Variants in DRC11 observed in about 807,000 individuals in gnomAD.
DRC11 encodes IQ and AAA domain-containing protein 1.
At chr2:236,476,724 T>C in the DRC11 span, among the ~76,000 whole-genome samples, 4 of 149,296 alleles carry the variant, frequency 2.7e-5, no homozygotes, top group African/African-American at 7.5e-5. This position sits in a 1 kb window ranked among gnomAD's most constrained non-coding sequence, Gnocchi z 4.7. Flanking sequence ...ATGACCTTTC[T>C]TTTTTTTTCC....
the DRC11 span, chr2:236,364,076 C>A: frequency 1.0e-6 from 1 of 998,364 alleles, no homozygotes; most frequent in Admixed American, 2.5e-5. Flanking sequence ...TCGTGTGACT[C>A]CACTTTCTGC....
chr2:236,391,543 G>C, the DRC11 span: 1 of 177,756 alleles, frequency 5.6e-6, no homozygotes, highest in Non-Finnish European at 1.2e-5. The surrounding 1 kb of genome is among the most constrained non-coding windows in gnomAD (Gnocchi z 4.5). Flanking sequence ...CTGTGAGATG[G>C]ATTGGTGGCA....
At chr2:236,312,460 CT>C in the DRC11 span, among the ~76,000 whole-genome samples, 1 of 152,128 alleles carries the variant, frequency 6.6e-6, no homozygotes, top group African/African-American at 2.4e-5. Context: ...ATATGCCCCC[CT>C]AATTCTATAT....
the DRC11 span, among the ~76,000 whole-genome samples, chr2:236,479,927 T>C: frequency 6.6e-6 from 1 of 152,198 alleles, no homozygotes; most frequent in African/African-American, 2.4e-5. This position sits in a 1 kb window ranked among gnomAD's most constrained non-coding sequence, Gnocchi z 4.1. Context: ...CTGGCAGTGA[T>C]GAATTCCCTC....
chr2:236,491,176 T>C, the DRC11 span, among the ~76,000 whole-genome samples: 2 of 58,252 alleles, frequency 3.4e-5, no homozygotes, highest in African/African-American at 8.8e-5. Flanking sequence ...TATATATATA[T>C]ATATACACAC....
At chr2:236,416,439 G>A in the DRC11 span, among the ~76,000 whole-genome samples, 1 of 151,888 alleles carries the variant, frequency 6.6e-6, no homozygotes, top group Non-Finnish European at 1.5e-5. Context: ...CCTGAAAGGG[G>A]TATCCAAGGG....
the DRC11 span, among the ~76,000 whole-genome samples, chr2:236,336,614 C>T: frequency 1.4e-4 from 22 of 152,248 alleles, no homozygotes; most frequent in South Asian, 2.9e-3. This position sits in a 1 kb window ranked among gnomAD's most constrained non-coding sequence, Gnocchi z 7.3. Flanking sequence ...CACAGTCACC[C>T]TATCTCCCGC....
chr2:236,372,101 T>A, the DRC11 span, among the ~76,000 whole-genome samples: 1 of 152,196 alleles, frequency 6.6e-6, no homozygotes, highest in Non-Finnish European at 1.5e-5. The surrounding 1 kb of genome is among the most constrained non-coding windows in gnomAD (Gnocchi z 4.5). Flanking sequence ...AGAGGTGCTT[T>A]CGACCGCAGC....
the DRC11 span, among the ~76,000 whole-genome samples, chr2:236,323,661 A>G: frequency 1.3e-5 from 2 of 152,330 alleles, no homozygotes; most frequent in African/African-American, 4.8e-5. This position sits in a 1 kb window ranked among gnomAD's most constrained non-coding sequence, Gnocchi z 6.4. Context: ...GACCTGGTCT[A>G]TGCAGTGTGA....
chr2:236,363,592 C>T, the DRC11 span, among the ~76,000 whole-genome samples: 10 of 151,878 alleles, frequency 6.6e-5, no homozygotes, highest in Non-Finnish European at 5.9e-5. The surrounding 1 kb of genome is among the most constrained non-coding windows in gnomAD (Gnocchi z 5.6). Flanking sequence ...AGGGTGCTTA[C>T]GGAAAGAAAA....
At chr2:236,448,486 T>G in the DRC11 span, among the ~76,000 whole-genome samples, 10 of 151,998 alleles carry the variant, frequency 6.6e-5, no homozygotes, top group Non-Finnish European at 1.0e-4. The surrounding 1 kb of genome is among the most constrained non-coding windows in gnomAD (Gnocchi z 5.3). Flanking sequence ...CAGGCGCACA[T>G]CACCATGCCT....
At chr2:236,307,977 ACAAGCGTCCTCGTGTGCTTGCAGTGACG>A in the DRC11 span, among the ~76,000 whole-genome samples, 1 of 130,812 alleles carries the variant, frequency 7.6e-6, no homozygotes, top group Non-Finnish European at 1.5e-5. The surrounding 1 kb of genome is among the most constrained non-coding windows in gnomAD (Gnocchi z 7.0). Context: ...TTGCAGTGAC[ACAAGCGTCCTCGTGTGCTTGCAGTGACG>A]CAGGCGTCCT....
At chr2:236,466,291 C>T in the DRC11 span, among the ~76,000 whole-genome samples, 2 of 152,112 alleles carry the variant, frequency 1.3e-5, no homozygotes, top group Non-Finnish European at 2.9e-5. Flanking sequence ...AAGTATAGGA[C>T]CTACGCATGT....
At chr2:236,307,918 GGC>G in the DRC11 span, among the ~76,000 whole-genome samples, 2 of 152,192 alleles carry the variant, frequency 1.3e-5, no homozygotes, top group Admixed American at 1.3e-4. The surrounding 1 kb of genome is among the most constrained non-coding windows in gnomAD (Gnocchi z 7.0). Flanking sequence ...TGCTTGCGGG[GGC>G]ACAAGCATCG....
the DRC11 span, among the ~76,000 whole-genome samples, chr2:236,450,434 G>A: frequency 6.0e-5 from 9 of 150,208 alleles, no homozygotes; most frequent in South Asian, 6.4e-4. Context: ...ATTCTCGTGG[G>A]TCAGCCTCCC....
At chr2:236,395,129 C>T in the DRC11 span, among the ~76,000 whole-genome samples, 2 of 152,000 alleles carry the variant, frequency 1.3e-5, no homozygotes, top group Admixed American at 1.3e-4. Context: ...GGGCACAGCG[C>T]TGGGGGTGGG....
the DRC11 span, among the ~76,000 whole-genome samples, chr2:236,460,230 G>T: frequency 6.6e-6 from 1 of 152,114 alleles, no homozygotes; most frequent in Non-Finnish European, 1.5e-5. The surrounding 1 kb of genome is among the most constrained non-coding windows in gnomAD (Gnocchi z 4.0). Flanking sequence ...GCACACCCAC[G>T]AGGACGACTC....
the DRC11 span, among the ~76,000 whole-genome samples, chr2:236,339,576 G>C: frequency 2.0e-5 from 3 of 152,154 alleles, no homozygotes; most frequent in Non-Finnish European, 4.4e-5. Flanking sequence ...ATTATCAGTT[G>C]ATTTTTGTAT....
the DRC11 span, among the ~76,000 whole-genome samples, chr2:236,496,915 G>A: frequency 5.3e-5 from 8 of 152,140 alleles, no homozygotes; most frequent in Non-Finnish European, 1.2e-4. This position sits in a 1 kb window ranked among gnomAD's most constrained non-coding sequence, Gnocchi z 6.3. Flanking sequence ...ACGATGTCAG[G>A]TAAGACCACA....
Sources: gnomAD v4.1 joint callset for allele counts (sites outside exome capture counted in the v4.1 genomes callset) on GRCh38, gnomAD v4.1.1 for gene constraint, Gnocchi (gnomAD v3.1) non-coding constraint, MANE v1.5 for transcripts, NCBI Gene and HGNC (gene_info 2026-07-23, HGNC 2026-07-21) for gene names.